The following COL20A1 variants were observed in gnomAD, a reference collection of about 807,000 sequenced individuals.
COL20A1 encodes the protein collagen type XX alpha 1 chain.
In COL20A1, 164 loss-of-function variants were observed where a neutral mutation model predicts 152.9. The ratio of observed to expected loss-of-function variants is 1.07; its 90% CI spans 0.94 to 1.22. The LOEUF (loss-of-function observed/expected upper bound fraction) is 1.22. COL20A1 is among the 50% of genes most tolerant of loss of function. COL20A1 has a pLI of 0.00. For synonymous variants in COL20A1, 864 were observed against 756.0 expected, an observed-to-expected ratio of 1.14 and a Z score of -2.34; for missense variants, 1,873 against 1,744.8, an observed-to-expected ratio of 1.07 and a Z score of -1.31.
chr20:63,297,383 A>C (rs1358598755), intron 2 of COL20A1, among the ~76,000 whole-genome samples: 2 of 148,946 alleles, frequency 1.3e-5, no homozygotes, highest in Non-Finnish European at 3.0e-5. Flanking sequence ...AGCTCAGGGG[A>C]CCCAGCCCAG....
Position 63,305,235 on chromosome 20 carries a change from C to T in COL20A1, c.194-182C>T, listed in dbSNP as rs2067908462. ...TTCACCGCCCCAAGACCCCCATTCT[C>T]TGTCACATTATTACCCAGGAGCCCA... On this transcript the variant is annotated intron_variant, in intron 3 of 35. Transcript: ENST00000358894. This position sits in a 1 kb window ranked among gnomAD's most constrained non-coding sequence, Gnocchi z 4.9. Among the ~76,000 whole-genome samples the T allele has an allele frequency of 6.6e-6, 1 of 152,166 alleles. No individual in the cohort carries two copies. The highest frequency in any genetic ancestry group is 6.5e-5 in the Admixed American group (1 of 15,274).
chr20:63,307,852 C>T, intron 6 of COL20A1, 119 bp from the exon 7 acceptor site: 1 of 1,312,792 alleles, frequency 7.6e-7, no homozygotes, highest in Non-Finnish European at 1.1e-6. Flanking sequence ...TGGGGACTGG[C>T]TACTGTGGCC....
In COL20A1 at chr20:63,308,565, G is replaced by C; in HGVS notation, c.799G>C (p.Gly267Arg). ...FTGLALTHVL[G>R]QNLQPAAGLR... The stretch of plus-strand genomic sequence containing the variant: ...AGGCCTTGCCCTGACCCACGTGCTG[G>C]GGCAGAACCTGCAGCCGGCGGCTGG... Residue 267 changes from glycine to arginine, a missense_variant, in exon 8 of 36, where the codon GGG becomes CGG. Coordinates refer to ENST00000358894, the MANE Select transcript of COL20A1 (RefSeq NM_020882.4). 6.2e-7 allele frequency: 1 copy of C among 1,604,736 alleles called. No individual in the cohort carries two copies. The highest frequency in any genetic ancestry group is 1.1e-5 in the South Asian group (1 of 89,564).
chr20:63,327,664 G>A (rs1161409930), intron 31 of COL20A1: 14 of 495,410 alleles, frequency 2.8e-5, no homozygotes, highest in African/African-American at 1.2e-4. Flanking sequence ...TCCCACACCC[G>A]CCATCTCCCC....
chr20:63,312,073 CG>C lies in COL20A1; in HGVS notation c.1803+23del. The C allele has an allele frequency of 6.5e-7, 1 of 1,537,016 alleles. No individual in the cohort carries two copies. The highest frequency in any genetic ancestry group is 8.8e-7 in the Non-Finnish European group (1 of 1,141,486). On this transcript the variant is annotated intron_variant, in intron 14 of 35. Transcript: ENST00000358894. ...CGGGGCAGGTGAGAGCAGAGCCCTC[CG>C]GGGGCCCGAGTGTCTTGAGGGACCA...
At chr20:63,307,894 A>G in intron 6 of COL20A1, 77 bp from the exon 7 acceptor site, 1 of 1,545,422 alleles carries the variant, frequency 6.5e-7, no homozygotes, top group East Asian at 2.3e-5. Flanking sequence ...TGCAGCTCTC[A>G]GGTGTGGCCT....
At position 63,320,191 on chromosome 20, in the gene COL20A1, G is replaced by C. The variant is rs778232271; in HGVS notation, c.3069G>C (p.Ser1023=). ...LAKARGPRSS[S]AAFQLQMLQI... ...AGGCCAGGGGCCCCCGGAGCAGTTC[G>C]GCCGCGGTGAGTTGGGCCCTGCCCA... The change falls in exon 24 of 36, where the codon TCG becomes TCC. Residue 1023 remains serine (S), a synonymous_variant. Transcript: ENST00000358894. The C allele has an allele frequency of 2.4e-5, 38 of 1,581,336 alleles. No individual in the cohort carries two copies. The highest frequency in any genetic ancestry group is 1.9e-4 in the Middle Eastern group (1 of 5,268).
Position 63,307,991 on chromosome 20 carries a change from G to T in COL20A1, c.676G>T (p.Asp226Tyr). The T allele has an allele frequency of 6.2e-7, 1 of 1,612,600 alleles. No individual in the cohort carries two copies. Among genetic ancestry groups the T allele is most frequent in the Admixed American group, 1.7e-5 (1 of 60,010 alleles). ...CCCAGGCCTGACTCAGTACAGCGGG[G>T]ATGCTCAGACTGAGTGGGACCTGAA... The part of the protein sequence containing the change: ...VQVGLTQYSG[D>Y]AQTEWDLNSL... Residue 226 changes from aspartate (D) to tyrosine (Y), a missense_variant, in exon 7 of 36, where the codon GAT (aspartate) becomes TAT (tyrosine). Physicochemically the swap from Asp to Tyr is radical, Grantham distance 160. Coordinates refer to ENST00000358894, the MANE Select transcript of COL20A1 (RefSeq NM_020882.4).
chr20:63,326,842 C>T lies in COL20A1; in HGVS notation c.3528+19C>T, dbSNP rs780118505. On this transcript the variant is annotated intron_variant, in intron 31 of 35. Transcript: ENST00000358894. The stretch of plus-strand genomic sequence containing the variant: ...GCCCACAGTAAGTGCATTTCCAACA[C>T]CCACCAGCCAACCAAAGGTGGGGGA... The T allele has an allele frequency of 1.1e-5, 16 of 1,482,036 alleles. No individual in the cohort carries two copies. Among genetic ancestry groups the T allele is most frequent in the Non-Finnish European group, 8.9e-6 (10 of 1,124,842 alleles). The allele number at this position is 1,482,036 out of a possible 1,614,324, so 91.8% of individuals were successfully genotyped here. A position where few individuals can be genotyped will look rare whatever the true frequency, so the allele number is the denominator to read the frequency against.
At chr20:63,302,482 A>G (rs2067873513) in intron 3 of COL20A1, among the ~76,000 whole-genome samples, 1 of 152,088 alleles carries the variant, frequency 6.6e-6, no homozygotes, top group Non-Finnish European at 1.5e-5. Context: ...CACCACGCCC[A>G]GCTAATTTTT....
chr20:63,326,945 G>A (rs536798518), intron 31 of COL20A1, 122 bp downstream of exon 31: 4 of 616,364 alleles, frequency 6.5e-6, no homozygotes, highest in Non-Finnish European at 1.1e-5. Context: ...TGACCACCTA[G>A]GGACTTCCTG....
chr20:63,296,795 C>A (rs2067799521), intron 2 of COL20A1, among the ~76,000 whole-genome samples: 1 of 152,194 alleles, frequency 6.6e-6, no homozygotes, highest in African/African-American at 2.4e-5. Context: ...CCCGGCCCAG[C>A]TGCTGCCTGC....
At chr20:63,327,249 T>A in intron 31 of COL20A1, 1 of 191,644 alleles carries the variant, frequency 5.2e-6, no homozygotes, top group Non-Finnish European at 1.1e-5. Context: ...ACTCAGGGAC[T>A]TCCTATTGAC....
At chr20:63,307,784 T>C in intron 6 of COL20A1, 136 bp downstream of exon 6, 3 of 1,161,054 alleles carry the variant, frequency 2.6e-6, no homozygotes, top group Non-Finnish European at 1.2e-6. Context: ...CTGCTCCACA[T>C]GGGGTGTTCT....
In COL20A1 at chr20:63,297,239, A is replaced by G. The variant is rs540864978; in HGVS notation, c.83-671A>G. 1.5e-3 allele frequency among the ~76,000 whole-genome samples: 221 copies of G among 151,384 alleles called. 1 individual carries two copies. The highest frequency in any genetic ancestry group is 2.8e-3 in the Non-Finnish European group (191 of 67,686). ...GCCACTTGTCCTGGGGACCCAGCCC[A>G]GGGGACTCAGCCCAGGGGCCCCAGC... On this transcript the variant is annotated intron_variant, in intron 2 of 35. Coordinates refer to ENST00000358894, the MANE Select transcript of COL20A1 (RefSeq NM_020882.4).
chr20:63,328,314 A>G lies in COL20A1; in HGVS notation c.3614-17A>G, dbSNP rs768664742. 7 of 1,601,178 alleles carry G rather than the reference A, an allele frequency of 4.4e-6. No individual in the cohort carries two copies. Among genetic ancestry groups the G allele is most frequent in the Non-Finnish European group, 4.3e-6 (5 of 1,173,130 alleles). ...CGGGTCCCCACTGTGTCCTGCTGAC[A>G]CCCCTCCTCCCCACAGCACACGTGT... On this transcript the variant is annotated splice_polypyrimidine_tract_variant and intron_variant, in intron 33 of 35. Transcript: ENST00000358894.
chr20:63,328,352 C>T lies in COL20A1; in HGVS notation c.3635C>T (p.Ser1212Phe). ...ACAGCACACGTGTCAAAGTTCGACT[C>T]CTTCCACGAGAACACCAGGCCCCCC... is the stretch of plus-strand genomic sequence containing the variant. ...SQASHVSKFD[S>F]FHENTRPPMP... The change falls in exon 34 of 36, where the codon TCC (serine) becomes TTC (phenylalanine). Residue 1212 changes from serine to phenylalanine, a missense_variant. Transcript: ENST00000358894. 2 of 1,612,500 alleles carry T rather than the reference C, an allele frequency of 1.2e-6. No homozygotes were observed. Among genetic ancestry groups the T allele is most frequent in the Non-Finnish European group, 1.7e-6 (2 of 1,179,494 alleles).
intron 3 of COL20A1, among the ~76,000 whole-genome samples, chr20:63,304,605 C>T (rs1333236895): frequency 2.0e-5 from 3 of 148,416 alleles, no homozygotes; most frequent in African/African-American, 7.4e-5. Flanking sequence ...GGGTTCCTCC[C>T]TCCCTTCCTC....
intron 29 of COL20A1, 58 bp from the exon 30 acceptor site, chr20:63,326,038 T>C: frequency 6.7e-7 from 1 of 1,483,480 alleles, no homozygotes; most frequent in Non-Finnish European, 9.4e-7. Flanking sequence ...GCTGTCACCA[T>C]GGGAGGGCTG....
Sources: allele counts gnomAD v4.1 joint callset (sites outside exome capture counted in the v4.1 genomes callset), GRCh38; gene constraint gnomAD v4.1.1; non-coding constraint Gnocchi (gnomAD v3.1); transcripts MANE v1.5; gene names NCBI Gene and HGNC (gene_info 2026-07-23, HGNC 2026-07-21).